RADIL: variants seen among roughly 807,000 people sequenced by gnomAD.
RADIL encodes ras-associating and dilute domain-containing protein.
In RADIL, 99 loss-of-function variants were observed where a neutral mutation model predicts 97.6. The observed-to-expected ratio is 1.01, with a 90% CI of 0.86 to 1.20. RADIL has a LOEUF of 1.20. Ranked by LOEUF, RADIL falls within the 50% of genes most tolerant of loss-of-function variation. RADIL has a pLI of 0.00. For missense variants in RADIL, 1,765 were observed against 1,498.9 expected (o/e 1.18, Z -2.93); for synonymous variants, 803 against 691.8 (o/e 1.16, Z -2.52).
Position 4,825,860 on chromosome 7 carries a change from C to G in RADIL, c.1455-3306G>C, listed in dbSNP as rs534479471. On this transcript the variant is annotated intron_variant, in intron 5 of 14. Transcript: ENST00000399583. ...TTGTGCCACTGTACTCCAGCCTGGG[C>G]TACAGAGCGAGACTCCGTCTCAGAA... Among the ~76,000 whole-genome samples the G allele has an allele frequency of 1.8e-3, 240 of 133,848 alleles. 2 individuals carry two copies. The highest frequency in any genetic ancestry group is 6.0e-3 in the African/African-American group (219 of 36,284). 87.8% of individuals were successfully genotyped at this position (133,848 alleles called of 152,430 possible). A position where few individuals can be genotyped will look rare whatever the true frequency, so the allele number is the denominator to read the frequency against.
intron 2 of RADIL, among the ~76,000 whole-genome samples, chr7:4,853,191 C>G (rs73316196): frequency 6.6e-6 from 1 of 152,016 alleles, no homozygotes; most frequent in Non-Finnish European, 1.5e-5. Flanking sequence ...CCAGTGACCC[C>G]TGCTTTGCAT....
In RADIL at chr7:4,878,167, T is replaced by C. The variant is rs10267139; in HGVS notation, c.-28A>G. ...TGGGTGAGGCTTCATGGATGAGGAC[T>C]GTGGGCTTCAGCCAAAGGATGTGGG... On this transcript the variant is annotated 5_prime_UTR_variant, in exon 2 of 15. Transcript: ENST00000399583. This position sits in a 1 kb window ranked among gnomAD's most constrained non-coding sequence, Gnocchi z 4.1. 0.013 allele frequency: 19,085 copies of C among 1,500,434 alleles called. 1,766 individuals carry two copies. In the African/African-American group the frequency reaches 0.22, roughly 17 times the overall value. 92.9% of individuals were successfully genotyped at this position (1,500,434 alleles called of 1,614,324 possible).
chr7:4,874,498 C>A (rs745808961), intron 2 of RADIL, among the ~76,000 whole-genome samples: 3 of 152,222 alleles, frequency 2.0e-5, no homozygotes, highest in Admixed American at 6.5e-5. Context: ...CCTCAGTGAA[C>A]CTTCTTGGCA....
chr7:4,862,952 C>T (rs1784054121), intron 2 of RADIL, among the ~76,000 whole-genome samples: 1 of 151,848 alleles, frequency 6.6e-6, no homozygotes. Flanking sequence ...ATAATCTTAC[C>T]CAGGATACAC....
intron 12 of RADIL, among the ~76,000 whole-genome samples, chr7:4,800,662 G>C (rs775283332): frequency 4.6e-5 from 7 of 152,120 alleles, no homozygotes; most frequent in East Asian, 3.9e-4. Context: ...TCCACACCCA[G>C]ATGTGGCCAT....
At position 4,849,717 on chromosome 7, in the gene RADIL, G is replaced by A. The variant is rs1275685153; in HGVS notation, c.536-13112C>T. On this transcript the variant is annotated intron_variant, in intron 2 of 14. Transcript: ENST00000399583. The surrounding 1 kb of genome is among the most constrained non-coding windows in gnomAD (Gnocchi z 5.4). Reference sequence around the variant, plus strand: ...GAAAATGATACTGTGTGGGGAGTGTGGACAGGGACGGCTCTCATTTGAAAA... The same window carrying A: ...GAAAATGATACTGTGTGGGGAGTGTAGACAGGGACGGCTCTCATTTGAAAA... Among the ~76,000 whole-genome samples, 3 of 152,146 alleles carry A rather than the reference G, an allele frequency of 2.0e-5. No homozygotes were observed. The highest frequency in any genetic ancestry group is 4.8e-5 in the African/African-American group (2 of 41,448).
chr7:4,844,045 A>G (rs1340809367), intron 2 of RADIL, among the ~76,000 whole-genome samples: 2 of 152,078 alleles, frequency 1.3e-5, no homozygotes. Flanking sequence ...TCCTCTTGCC[A>G]TCAGGAACAA....
chr7:4,864,338 T>A (rs1784086853), intron 2 of RADIL, among the ~76,000 whole-genome samples: 1 of 152,194 alleles, frequency 6.6e-6, no homozygotes, highest in Non-Finnish European at 1.5e-5. Flanking sequence ...ATGTTGGGAG[T>A]TCCTCCAGTT....
chr7:4,805,686 G>A lies in RADIL; in HGVS notation c.2170C>T (p.Pro724Ser), dbSNP rs920248460. ...TGCAGCTGTGCTGGGCTCAGTGCGG[G>A]GAACGCAGCCCGCAGGGCTGTCCAG... ...MSWTALRAAF[P>S]ALSPAQLHRL... Residue 724 changes from proline to serine, a missense_variant, in exon 10 of 15, where the codon CCC becomes TCC. Physicochemically the swap from Pro to Ser is moderately conservative, Grantham distance 74. Transcript: ENST00000399583. 2 of 1,611,224 alleles carry A rather than the reference G, an allele frequency of 1.2e-6. No individual in the cohort carries two copies. The highest frequency in any genetic ancestry group is 1.7e-6 in the Non-Finnish European group (2 of 1,179,768).
chr7:4,832,281 C>T, intron 4 of RADIL, 103 bp from the exon 5 acceptor site: 1 of 1,146,050 alleles, frequency 8.7e-7, no homozygotes, highest in Admixed American at 2.0e-5. Flanking sequence ...GCCATGCTGC[C>T]CCAGGCATCC....
In RADIL at chr7:4,821,720, G is replaced by T. The variant is rs1043540422; in HGVS notation, c.1615+674C>A. Reference sequence around the variant, plus strand: ...AAAATACAAAAACTAGCCGGGCGAGGTGGCATGCTCCTGTAATCCCAGGTA... The same window carrying T: ...AAAATACAAAAACTAGCCGGGCGAGTTGGCATGCTCCTGTAATCCCAGGTA... On this transcript the variant is annotated intron_variant, in intron 6 of 14. Coordinates refer to ENST00000399583, the MANE Select transcript of RADIL (RefSeq NM_018059.5). The surrounding 1 kb of genome is among the most constrained non-coding windows in gnomAD (Gnocchi z 5.2). Among the ~76,000 whole-genome samples, 2 of 152,100 alleles carry T rather than the reference G, an allele frequency of 1.3e-5. No homozygotes were observed. The highest frequency in any genetic ancestry group is 2.9e-5 in the Non-Finnish European group (2 of 68,026).
Position 4,805,668 on chromosome 7 carries a change from G to C in RADIL, c.2188C>G (p.Gln730Glu). 6.2e-7 allele frequency: 1 copy of C among 1,611,900 alleles called. No homozygotes were observed. The highest frequency in any genetic ancestry group is 8.5e-7 in the Non-Finnish European group (1 of 1,179,888). Residue 730 changes from glutamine (Q) to glutamate (E), a missense_variant, in exon 10 of 15, where the codon CAG becomes GAG. Physicochemically the swap from Gln to Glu is conservative, Grantham distance 29 (BLOSUM62 2). Transcript: ENST00000399583. ...RAAFPALSPA[Q>E]LHRLLTHYQL... The stretch of plus-strand genomic sequence containing the variant: ...TAGTGAGTCAGCAGCCGGTGCAGCT[G>C]TGCTGGGCTCAGTGCGGGGAACGCA...
At chr7:4,874,104 G>T (rs986567557) in intron 2 of RADIL, among the ~76,000 whole-genome samples, 3 of 152,218 alleles carry the variant, frequency 2.0e-5, no homozygotes, top group Non-Finnish European at 4.4e-5. Context: ...TCTCAGAGGC[G>T]GGTTCCAGGG....
chr7:4,812,770 C>G (rs2115182908), intron 9 of RADIL, among the ~76,000 whole-genome samples: 1 of 152,300 alleles, frequency 6.6e-6, no homozygotes. Context: ...TTGCTTATCT[C>G]AACCCTGTTT....
chr7:4,878,289 A>ACC lies in RADIL; in HGVS notation c.-64-87_-64-86insGG. ...CCACAGGCGGTGACTCCTGCCCGTC[A>ACC]TCCCAGCGCTTTAGAAGGCCAAGGT... On this transcript the variant is annotated intron_variant, in intron 1 of 14. Transcript: ENST00000399583. This position sits in a 1 kb window ranked among gnomAD's most constrained non-coding sequence, Gnocchi z 4.1. 1.2e-6 allele frequency: 1 copy of ACC among 863,802 alleles called. No homozygotes were observed. The highest frequency in any genetic ancestry group is 1.7e-6 in the Non-Finnish European group (1 of 589,788). 53.5% of individuals were successfully genotyped at this position (863,802 alleles called of 1,614,324 possible).
At position 4,834,518 on chromosome 7, in the gene RADIL, C is replaced by G. The variant is rs567474793; in HGVS notation, c.1416+89G>C. 4.0e-6 allele frequency: 5 copies of G among 1,243,600 alleles called. No individual in the cohort carries two copies. The highest frequency in any genetic ancestry group is 4.0e-6 in the Non-Finnish European group (4 of 991,650). 77.0% of individuals were successfully genotyped at this position (1,243,600 alleles called of 1,614,324 possible). ...CAGCACCGTGGGGGTCAGATAGAGGCGCTCCCGCCTCCCAGCCGGGGCCAG... is the reference window on the plus strand; with the variant it reads ...CAGCACCGTGGGGGTCAGATAGAGGGGCTCCCGCCTCCCAGCCGGGGCCAG... On this transcript the variant is annotated intron_variant, in intron 4 of 14. Transcript: ENST00000399583. The surrounding 1 kb of genome is among the most constrained non-coding windows in gnomAD (Gnocchi z 6.0).
chr7:4,858,139 T>C lies in RADIL; in HGVS notation c.535+19466A>G, dbSNP rs191422861. 43 of 152,410 alleles carry C rather than the reference T, an allele frequency of 2.8e-4. 1 individual carries two copies. The highest frequency in any genetic ancestry group is 1.0e-3 in the African/African-American group (43 of 41,542). 9.4% of individuals were successfully genotyped at this position (152,410 alleles called of 1,614,324 possible). ...AAAAAGAAATACTGTGTACTAGATA[T>C]CAGAAAGTAATGGTGAAAGAAAAGT... On this transcript the variant is annotated intron_variant, in intron 2 of 14. Coordinates refer to ENST00000399583, the MANE Select transcript of RADIL (RefSeq NM_018059.5).
intron 2 of RADIL, among the ~76,000 whole-genome samples, chr7:4,838,764 C>G (rs1325511390): frequency 6.6e-6 from 1 of 152,242 alleles, no homozygotes; most frequent in Non-Finnish European, 1.5e-5. Context: ...CCCAAGGCCA[C>G]AAGCATGACA....
chr7:4,865,253 C>G (rs1025781147), intron 2 of RADIL, among the ~76,000 whole-genome samples: 1 of 152,218 alleles, frequency 6.6e-6, no homozygotes, highest in Non-Finnish European at 1.5e-5. Context: ...CATAAAACAA[C>G]TTGTAGTTGC....
Sources: gnomAD v4.1 joint callset for allele counts (sites outside exome capture counted in the v4.1 genomes callset) on GRCh38, gnomAD v4.1.1 for gene constraint, Gnocchi (gnomAD v3.1) non-coding constraint, MANE v1.5 for transcripts, NCBI Gene and HGNC (gene_info 2026-07-23, HGNC 2026-07-21) for gene names.